Variants in WDR7 observed in about 807,000 individuals in gnomAD.
WDR7 encodes WD repeat domain 7.
In WDR7, 46 loss-of-function variants were observed where a neutral mutation model predicts 169.4. That is an observed-to-expected ratio of 0.27 (90% CI 0.21 to 0.35). The LOEUF (loss-of-function observed/expected upper bound fraction) is 0.35, where lower values mean the gene tolerates loss of function less well. Ranked by LOEUF, WDR7 falls within the 10% of genes least tolerant of loss-of-function variation. The pLI, the probability that WDR7 is intolerant of heterozygous loss-of-function variation, is 1.00. For synonymous variants in WDR7, 612 were observed against 666.8 expected (o/e 0.92, Z 1.27); for missense variants, 1,534 against 1,859.3 (o/e 0.83, Z 3.22).
intron 26 of WDR7, among the ~76,000 whole-genome samples, chr18:56,965,204 G>A (rs571464338): frequency 2.0e-5 from 3 of 152,176 alleles, no homozygotes; most frequent in East Asian, 3.9e-4. Context: ...CTTGGCTGTA[G>A]GGGTATGGTC....
intron 20 of WDR7, among the ~76,000 whole-genome samples, chr18:56,851,886 A>G: frequency 6.6e-6 from 1 of 152,216 alleles, no homozygotes; most frequent in East Asian, 1.9e-4. Flanking sequence ...AAATGCTTAT[A>G]AAGTATGGCT....
intron 13 of WDR7, among the ~76,000 whole-genome samples, chr18:56,729,267 A>C (rs1465503999): frequency 6.6e-6 from 1 of 152,200 alleles, no homozygotes; most frequent in Non-Finnish European, 1.5e-5. Context: ...AATTGAATTA[A>C]CTTTAATTTA....
At chr18:56,828,209 A>G (rs552510199) in intron 20 of WDR7, among the ~76,000 whole-genome samples, 1 of 152,390 alleles carries the variant, frequency 6.6e-6, no homozygotes, top group Middle Eastern at 3.4e-3. Context: ...ACAAATTTAT[A>G]AAAGTTGGCT....
Position 56,923,936 on chromosome 18 carries a change from T to G in WDR7, c.3541T>G (p.Phe1181Val), listed in dbSNP as rs1205720052. The G allele has an allele frequency of 1.3e-6, 2 of 1,558,886 alleles. No homozygotes were observed. Among genetic ancestry groups the G allele is most frequent in the East Asian group, 2.4e-5 (1 of 42,512 alleles). Residue 1181 changes from phenylalanine (F) to valine (V), a missense_variant, in exon 22 of 28, where the codon TTT (phenylalanine) becomes GTT (valine). Physicochemically the swap from Phe to Val is conservative, Grantham distance 50. Transcript: ENST00000254442. ...TATAATTTCAGGCAAGGCACTGACG[T>G]TTCTTCTGCTACAGCCTCCAAGCCC... ...LARHTCKALT[F>V]LLLQPPSPKL...
intron 21 of WDR7, among the ~76,000 whole-genome samples, chr18:56,898,628 A>G (rs1180044532): frequency 3.3e-5 from 5 of 152,124 alleles, no homozygotes; most frequent in Non-Finnish European, 5.9e-5. Context: ...TCTTGAGAAA[A>G]CATCCCAACT....
intron 14 of WDR7, among the ~76,000 whole-genome samples, chr18:56,755,227 C>T (rs977408988): frequency 2.0e-5 from 3 of 151,624 alleles, no homozygotes; most frequent in Non-Finnish European, 4.4e-5. Flanking sequence ...TGTTTTTTAT[C>T]GTAGTGAACT....
chr18:56,891,223 ATAC>A (rs1344372984), intron 21 of WDR7, among the ~76,000 whole-genome samples: 1 of 152,182 alleles, frequency 6.6e-6, no homozygotes. Flanking sequence ...CATGACATTT[ATAC>A]TACTTTCAGA....
At chr18:56,670,563 T>A (rs532677203) in intron 1 of WDR7, among the ~76,000 whole-genome samples, 1 of 152,194 alleles carries the variant, frequency 6.6e-6, no homozygotes, top group Non-Finnish European at 1.5e-5. Flanking sequence ...CAGGCTGGAA[T>A]GCAGTGGCGC....
At chr18:57,025,105 A>G (rs990233231) in intron 27 of WDR7, among the ~76,000 whole-genome samples, 1 of 152,060 alleles carries the variant, frequency 6.6e-6, no homozygotes, top group East Asian at 1.9e-4. Flanking sequence ...CTCTCAACCC[A>G]TTTTTTGTTC....
chr18:56,665,746 G>A (rs1043591790), intron 1 of WDR7, among the ~76,000 whole-genome samples: 1 of 152,120 alleles, frequency 6.6e-6, no homozygotes, highest in Non-Finnish European at 1.5e-5. Flanking sequence ...AAAGAGCTTC[G>A]ATACTTACTT....
At chr18:56,961,314 AT>A (rs34820218) in intron 25 of WDR7, among the ~76,000 whole-genome samples, 5 of 151,500 alleles carry the variant, frequency 3.3e-5, no homozygotes, top group South Asian at 4.2e-4. Context: ...GAGAAATGAG[AT>A]TTTTTTTTCT....
intron 16 of WDR7, among the ~76,000 whole-genome samples, chr18:56,761,406 A>G (rs1335029881): frequency 6.6e-6 from 1 of 152,182 alleles, no homozygotes; most frequent in African/African-American, 2.4e-5. Context: ...TTGCTCTGTA[A>G]TGAGACTTGA....
At chr18:56,995,109 G>A (rs1479644097) in intron 26 of WDR7, among the ~76,000 whole-genome samples, 1 of 152,108 alleles carries the variant, frequency 6.6e-6, no homozygotes, top group Non-Finnish European at 1.5e-5. Context: ...TTCTGAGTCT[G>A]GTATAAAGCT....
At chr18:56,684,047 G>A (rs546928380) in intron 5 of WDR7, among the ~76,000 whole-genome samples, 1 of 152,236 alleles carries the variant, frequency 6.6e-6, no homozygotes, top group African/African-American at 2.4e-5. Flanking sequence ...GGGCAGTAGA[G>A]GGCTGTCCAG....
At chr18:56,679,851 A>G (rs911834181) in intron 3 of WDR7, among the ~76,000 whole-genome samples, 2 of 152,206 alleles carry the variant, frequency 1.3e-5, no homozygotes, top group Non-Finnish European at 2.9e-5. Flanking sequence ...GATATGTATT[A>G]ATACACTAAC....
chr18:56,857,511 C>T (rs1041137310), intron 20 of WDR7, among the ~76,000 whole-genome samples: 16 of 152,158 alleles, frequency 1.1e-4, no homozygotes, highest in African/African-American at 3.6e-4. Flanking sequence ...CCTACCTCGG[C>T]CTCCCAAAGT....
chr18:56,888,085 TAGTG>T (rs2046220100), intron 21 of WDR7, among the ~76,000 whole-genome samples: 1 of 152,210 alleles, frequency 6.6e-6, no homozygotes, highest in Non-Finnish European at 1.5e-5. Context: ...GAGGCATAGA[TAGTG>T]AGTTCTAACC....
At chr18:56,820,359 A>AAAACAAAAAAAC (rs1555695957) in intron 20 of WDR7, among the ~76,000 whole-genome samples, 1 of 127,464 alleles carries the variant, frequency 7.8e-6, no homozygotes, top group African/African-American at 3.5e-5. Flanking sequence ...AAAAAAAAAA[A>AAAACAAAAAAAC]AAAAACCACC....
intron 20 of WDR7, among the ~76,000 whole-genome samples, chr18:56,854,422 A>G (rs546154815): frequency 6.6e-6 from 1 of 152,216 alleles, no homozygotes; most frequent in Non-Finnish European, 1.5e-5. Flanking sequence ...AGGGACATGG[A>G]GCCTCCATGC....
Sources: allele counts gnomAD v4.1 joint callset (sites outside exome capture counted in the v4.1 genomes callset), GRCh38; gene constraint gnomAD v4.1.1; transcripts MANE v1.5; gene names NCBI Gene and HGNC (gene_info 2026-07-23, HGNC 2026-07-21).